The following FEZ2 variants were observed in gnomAD, a reference collection of about 807,000 sequenced individuals.
FEZ2 encodes the protein fasciculation and elongation protein zeta-2.
FEZ2 carries 51 observed loss-of-function variants against 40.4 expected under a neutral mutation model. That is an observed-to-expected ratio of 1.26 (90% CI 1.01 to 1.59). The LOEUF (loss-of-function observed/expected upper bound fraction) is 1.59. Among genes scored for constraint, FEZ2 ranks in the 40% most tolerant of loss-of-function variants. The probability of loss-of-function intolerance (pLI) is 0.00; values close to 1 mark genes in which losing one functional copy is unlikely to be tolerated. For synonymous variants in FEZ2, 242 were observed against 172.0 expected (o/e 1.41, Z -3.18); for missense variants, 640 against 438.3 (o/e 1.46, Z -4.11).
chr2:36,555,847 A>C (rs1336309725), intron 6 of FEZ2, 99 bp from the exon 7 acceptor site: 1 of 697,352 alleles, frequency 1.4e-6, no homozygotes, highest in Non-Finnish European at 2.4e-6. Context: ...CCTTAATTAT[A>C]GGATATAACT....
intron 2 of FEZ2, among the ~76,000 whole-genome samples, chr2:36,586,362 C>G (rs1668898715): frequency 6.6e-6 from 1 of 152,148 alleles, no homozygotes; most frequent in African/African-American, 2.4e-5. Flanking sequence ...GGGGTGGGCA[C>G]AGTGGCTCAT....
chr2:36,571,760 C>T (rs1208921559), intron 5 of FEZ2, among the ~76,000 whole-genome samples: 1 of 151,744 alleles, frequency 6.6e-6, no homozygotes, highest in Non-Finnish European at 1.5e-5. Flanking sequence ...AATCCCAGCA[C>T]TTTGGGAGTC....
In FEZ2 at chr2:36,558,474, G is replaced by T; in HGVS notation, c.943C>A (p.Pro315Thr). 2.0e-6 allele frequency: 3 copies of T among 1,525,772 alleles called. No homozygotes were observed. Among genetic ancestry groups the T allele is most frequent in the South Asian group, 1.3e-5 (1 of 79,546 alleles). The allele number at this position is 1,525,772 out of a possible 1,614,324, so 94.5% of individuals were successfully genotyped here. Reference protein sequence around the residue: ...TVIPYEKKNGPPSVEDLQILT... With the variant: ...TVIPYEKKNGTPSVEDLQILT... Reference sequence around the variant, plus strand: ...ATTTGAAGATCTTCAACAGACGGTGGTCCGTTTTTTTTCTCATAAGGAATG... The same window carrying T: ...ATTTGAAGATCTTCAACAGACGGTGTTCCGTTTTTTTTCTCATAAGGAATG... The change falls in exon 6 of 8, where the codon CCA becomes ACA. Residue 315 changes from proline (P) to threonine (T), a missense_variant. By Grantham distance (38) the Pro-to-Thr change is conservative (BLOSUM62 -1). Coordinates refer to ENST00000405912, the MANE Select transcript of FEZ2 (RefSeq NM_005102.3).
intron 6 of FEZ2, chr2:36,557,697 T>C (rs975940528): frequency 6.6e-6 from 1 of 152,130 alleles, no homozygotes; most frequent in African/African-American, 2.4e-5. Context: ...AGAACAAATA[T>C]TTTTTATCCT....
At chr2:36,569,044 T>C (rs908528744) in intron 5 of FEZ2, among the ~76,000 whole-genome samples, 2 of 152,130 alleles carry the variant, frequency 1.3e-5, no homozygotes, top group Non-Finnish European at 2.9e-5. Context: ...TCTAAATAAC[T>C]CCACATCCTC....
intron 4 of FEZ2, among the ~76,000 whole-genome samples, chr2:36,580,068 C>T (rs1422589553): frequency 2.0e-5 from 3 of 152,206 alleles, no homozygotes; most frequent in Admixed American, 6.5e-5. Context: ...AAAACCAAAC[C>T]TGCCAACACC....
intron 5 of FEZ2, among the ~76,000 whole-genome samples, chr2:36,571,453 T>C (rs1248060778): frequency 2.0e-5 from 3 of 148,650 alleles, no homozygotes; most frequent in African/African-American, 7.5e-5. Context: ...TTGAGGCCAG[T>C]AGTTCAAGAC....
At chr2:36,563,567 A>G (rs1668150879) in intron 5 of FEZ2, among the ~76,000 whole-genome samples, 1 of 151,556 alleles carries the variant, frequency 6.6e-6, no homozygotes. Context: ...ACGTGCTCCT[A>G]TCAAACGCTT....
intron 5 of FEZ2, among the ~76,000 whole-genome samples, chr2:36,567,006 A>G (rs907130512): frequency 6.6e-6 from 1 of 152,226 alleles, no homozygotes; most frequent in East Asian, 1.9e-4. Context: ...CCAGAATGGC[A>G]GAACTGCACA....
chr2:36,585,835 A>C (rs940122609), intron 2 of FEZ2, among the ~76,000 whole-genome samples: 8 of 152,206 alleles, frequency 5.3e-5, no homozygotes, highest in Non-Finnish European at 1.0e-4. Context: ...CAAAGGACAG[A>C]AGAGAGCTAA....
intron 5 of FEZ2, among the ~76,000 whole-genome samples, chr2:36,560,415 T>C (rs1046582527): frequency 1.3e-5 from 2 of 152,212 alleles, no homozygotes; most frequent in African/African-American, 4.8e-5. Context: ...AAATGACATC[T>C]TGCGACTTAG....
chr2:36,565,555 C>CT (rs1426532222), intron 5 of FEZ2, among the ~76,000 whole-genome samples: 3 of 152,152 alleles, frequency 2.0e-5, no homozygotes, highest in Admixed American at 2.0e-4. Context: ...ACCACCCCCT[C>CT]TGCTGTCTGT....
chr2:36,578,816 A>C lies in FEZ2; in HGVS notation c.684T>G (p.Ile228Met), dbSNP rs758480029. Residue 228 changes from isoleucine (I) to methionine (M), a missense_variant, in exon 5 of 8, where the codon ATT becomes ATG. Transcript: ENST00000405912. ...VSELNEILEE[I>M]ETAIKEYSEE... The stretch of plus-strand genomic sequence containing the variant: ...CAGAGTACTCCTTAATGGCAGTCTC[A>C]ATTTCTTCCAGGATTTCATTTAACT... The C allele has an allele frequency of 2.5e-6, 4 of 1,613,244 alleles. No homozygotes were observed. Among genetic ancestry groups the C allele is most frequent in the Admixed American group, 1.7e-5 (1 of 59,898 alleles).
At chr2:36,567,377 G>A (rs1161094315) in intron 5 of FEZ2, among the ~76,000 whole-genome samples, 1 of 152,188 alleles carries the variant, frequency 6.6e-6, no homozygotes, top group African/African-American at 2.4e-5. Context: ...AAAGTCCACT[G>A]AAGAATCTAG....
intron 5 of FEZ2, among the ~76,000 whole-genome samples, chr2:36,575,941 G>A (rs781127131): frequency 7.3e-5 from 11 of 151,496 alleles, no homozygotes; most frequent in Non-Finnish European, 1.2e-4. Context: ...TTCAAGTCCT[G>A]CTAATAAAAC....
At chr2:36,579,031 T>C (rs1668660184) in intron 4 of FEZ2, 166 bp from the exon 5 acceptor site, 1 of 612,710 alleles carries the variant, frequency 1.6e-6, no homozygotes, top group Non-Finnish European at 2.8e-6. Context: ...CTTCTCAGAA[T>C]TCTACAACTT....
intron 5 of FEZ2, among the ~76,000 whole-genome samples, chr2:36,563,581 T>C (rs968512812): frequency 6.6e-6 from 1 of 151,370 alleles, no homozygotes; most frequent in Non-Finnish European, 1.5e-5. Context: ...AACGCTTCAG[T>C]TGCAATCAAC....
chr2:36,564,536 G>A (rs887081904), intron 5 of FEZ2, among the ~76,000 whole-genome samples: 5 of 152,068 alleles, frequency 3.3e-5, no homozygotes, highest in African/African-American at 7.2e-5. Flanking sequence ...AGCACAACAC[G>A]TAAATGAAGC....
intron 5 of FEZ2, among the ~76,000 whole-genome samples, chr2:36,575,714 AT>A (rs905202906): frequency 9.3e-5 from 14 of 150,038 alleles, no homozygotes; most frequent in Admixed American, 3.3e-4. Flanking sequence ...TATGCCCTCT[AT>A]TTTTTTTTTC....
Sources: gnomAD v4.1 joint callset for allele counts (sites outside exome capture counted in the v4.1 genomes callset) on GRCh38, gnomAD v4.1.1 for gene constraint, MANE v1.5 for transcripts, NCBI Gene and HGNC (gene_info 2026-07-23, HGNC 2026-07-21) for gene names.